The following CTNNA3 variants were observed in gnomAD, a reference collection of about 807,000 sequenced individuals.
The protein encoded by CTNNA3 is catenin alpha 3.
In CTNNA3, 76 loss-of-function variants were observed where a neutral mutation model predicts 95.7. The observed-to-expected ratio is 0.79, with a 90% CI of 0.66 to 0.96. CTNNA3 has a LOEUF of 0.96. Among genes scored for constraint, CTNNA3 ranks in the 40% least tolerant of loss-of-function variants. CTNNA3 has a pLI of 0.00. For missense variants in CTNNA3, 1,191 were observed against 1,089.8 expected (o/e 1.09, Z -1.31); for synonymous variants, 431 against 374.4 (o/e 1.15, Z -1.74).
chr10:66,766,440 G>GTT, intron 8 of CTNNA3, 24 bp from the exon 9 acceptor site: 45 of 1,453,682 alleles, frequency 3.1e-5, no homozygotes, highest in Middle Eastern at 1.8e-4. Context: ...AAAAATTCAG[G>GTT]TTTTTTTTTT....
chr10:66,655,748 G>GGA (rs2132427363), intron 9 of CTNNA3, among the ~76,000 whole-genome samples: 1 of 152,072 alleles, frequency 6.6e-6, no homozygotes, highest in South Asian at 2.1e-4. Context: ...AGACACTGAG[G>GGA]GAGATAACTA....
intron 1 of CTNNA3, among the ~76,000 whole-genome samples, chr10:67,720,981 C>A (rs1183391183): frequency 1.3e-5 from 2 of 152,070 alleles, no homozygotes; most frequent in Non-Finnish European, 2.9e-5. Flanking sequence ...ATATTGGCCC[C>A]CACTCTTCTG....
chr10:67,751,062 A>G, intron 1 of CTNNA3: 1 of 1,488,140 alleles, frequency 6.7e-7, no homozygotes. Context: ...TGTGACTGTG[A>G]TCCCCAAGTC....
intron 9 of CTNNA3, among the ~76,000 whole-genome samples, chr10:66,683,512 T>C (rs1389494505): frequency 2.0e-5 from 3 of 152,172 alleles, no homozygotes; most frequent in Non-Finnish European, 4.4e-5. Context: ...GCATGTATTA[T>C]GGAGAAGCAA....
At chr10:67,635,381 G>A (rs1423219878) in intron 2 of CTNNA3, among the ~76,000 whole-genome samples, 1 of 152,054 alleles carries the variant, frequency 6.6e-6, no homozygotes, top group Non-Finnish European at 1.5e-5. Flanking sequence ...TAAAACTTCA[G>A]GCCAAAATCT....
chr10:66,458,778 T>G (rs1012102623), intron 11 of CTNNA3, among the ~76,000 whole-genome samples: 1 of 152,206 alleles, frequency 6.6e-6, no homozygotes, highest in Admixed American at 6.5e-5. Flanking sequence ...AAAAGCTGAA[T>G]AATAGACCAT....
At chr10:66,636,798 G>C (rs1845352349) in intron 9 of CTNNA3, among the ~76,000 whole-genome samples, 1 of 152,230 alleles carries the variant, frequency 6.6e-6, no homozygotes, top group East Asian at 1.9e-4. Context: ...AAGAAGAGAA[G>C]ATGGGGAAAA....
chr10:66,564,737 G>T (rs565301199), intron 10 of CTNNA3, among the ~76,000 whole-genome samples: 13 of 152,224 alleles, frequency 8.5e-5, no homozygotes, highest in African/African-American at 3.1e-4. Flanking sequence ...GGTGAGGAAG[G>T]GACAAGGAAG....
intron 12 of CTNNA3, among the ~76,000 whole-genome samples, chr10:66,317,031 ATTAGTTCAGT>A (rs1400716651): frequency 1.3e-5 from 2 of 152,122 alleles, no homozygotes; most frequent in African/African-American, 4.8e-5. Context: ...TCAAAAACAA[ATTAGTTCAGT>A]TTCGCATTAC....
intron 5 of CTNNA3, among the ~76,000 whole-genome samples, chr10:67,243,355 T>C (rs1564507311): frequency 6.6e-6 from 1 of 152,172 alleles, no homozygotes; most frequent in African/African-American, 2.4e-5. Context: ...TCCTCACTAG[T>C]AGCACTAGTC....
At chr10:66,012,312 G>T (rs575377057) in intron 15 of CTNNA3, among the ~76,000 whole-genome samples, 1 of 152,256 alleles carries the variant, frequency 6.6e-6, no homozygotes, top group East Asian at 1.9e-4. Context: ...GGTGTGGGGA[G>T]AATATTAGTT....
intron 17 of CTNNA3, among the ~76,000 whole-genome samples, chr10:65,938,639 T>C (rs1564526855): frequency 6.6e-6 from 1 of 152,168 alleles, no homozygotes; most frequent in Non-Finnish European, 1.5e-5. Context: ...TGTGCCAATT[T>C]ATCCACACCT....
chr10:66,176,102 C>T (rs545336244), intron 13 of CTNNA3, among the ~76,000 whole-genome samples: 1 of 152,214 alleles, frequency 6.6e-6, no homozygotes, highest in Admixed American at 6.5e-5. Flanking sequence ...CTGCAGAGCC[C>T]TTTCATTGTG....
At chr10:65,930,987 T>A (rs1046631431) in intron 17 of CTNNA3, among the ~76,000 whole-genome samples, 1 of 152,210 alleles carries the variant, frequency 6.6e-6, no homozygotes, top group Non-Finnish European at 1.5e-5. Context: ...TTCTGATTTT[T>A]AAATAAAACA....
In CTNNA3 at chr10:66,819,896, G is replaced by C. The variant is rs181528592; in HGVS notation, c.1048-44372C>G. 4.6e-5 allele frequency among the ~76,000 whole-genome samples: 7 copies of C among 152,214 alleles called. 1 individual carries two copies. Among genetic ancestry groups the C allele is most frequent in the Admixed American group, 4.6e-4 (7 of 15,284 alleles). On this transcript the variant is annotated intron_variant, in intron 7 of 17. Coordinates refer to ENST00000433211, the MANE Select transcript of CTNNA3 (RefSeq NM_013266.4). ...ACATCACTGATGGGAATGTAAAATTGTGCAGCCACTGGGGAAAACAGTCTG... is the reference window on the plus strand; with the variant it reads ...ACATCACTGATGGGAATGTAAAATTCTGCAGCCACTGGGGAAAACAGTCTG...
intron 7 of CTNNA3, among the ~76,000 whole-genome samples, chr10:66,914,899 T>C (rs1382767074): frequency 6.6e-6 from 1 of 152,172 alleles, no homozygotes; most frequent in Non-Finnish European, 1.5e-5. Context: ...CTGGATTTGA[T>C]TGTGCCATAA....
chr10:66,435,085 C>T (rs965155422), intron 11 of CTNNA3, among the ~76,000 whole-genome samples: 38 of 151,762 alleles, frequency 2.5e-4, no homozygotes, highest in African/African-American at 8.7e-4. Flanking sequence ...ATGTTCATCA[C>T]GGATATTGGC....
intron 11 of CTNNA3, among the ~76,000 whole-genome samples, chr10:66,406,086 A>G (rs1287161080): frequency 6.6e-6 from 1 of 152,210 alleles, no homozygotes; most frequent in Non-Finnish European, 1.5e-5. Context: ...GAATAAAAAA[A>G]GGATCTTATT....
intron 1 of CTNNA3, 52 bp from the exon 2 acceptor site, chr10:67,647,570 A>G (rs749392237): frequency 1.6e-5 from 23 of 1,421,208 alleles, no homozygotes; most frequent in Non-Finnish European, 2.3e-5. Context: ...TGTTTTCTAA[A>G]GAAGAACACT....
Sources: gnomAD v4.1 joint callset for allele counts (sites outside exome capture counted in the v4.1 genomes callset) on GRCh38, gnomAD v4.1.1 for gene constraint, MANE v1.5 for transcripts, NCBI Gene and HGNC (gene_info 2026-07-23, HGNC 2026-07-21) for gene names.